The following AXDND1 variants were observed in gnomAD, a reference collection of about 807,000 sequenced individuals.
AXDND1 encodes the protein axonemal dynein light chain domain-containing protein 1.
Under a neutral mutation model 137.5 loss-of-function variants are expected in AXDND1, and 110 were observed. The ratio of observed to expected loss-of-function variants is 0.80; its 90% confidence interval spans 0.69 to 0.94. The LOEUF is 0.94. Among genes scored for constraint, AXDND1 ranks in the 40% least tolerant of loss-of-function variants. The probability of loss-of-function intolerance (pLI) is 0.00; values close to 1 mark genes in which losing one functional copy is unlikely to be tolerated. For missense variants in AXDND1, 1,191 were observed against 1,169.8 expected, an observed-to-expected ratio of 1.02 and a Z score of -0.26; for synonymous variants, 414 against 399.7, an observed-to-expected ratio of 1.04 and a Z score of -0.43.
chr1:179,455,682 C>T (rs1194995662), intron 16 of AXDND1: 1 of 152,044 alleles, frequency 6.6e-6, no homozygotes, highest in Non-Finnish European at 1.5e-5. Context: ...GATGAGATCA[C>T]CTTGGGGGGG....
At chr1:179,496,238 A>C (rs1239008020) in intron 20 of AXDND1, among the ~76,000 whole-genome samples, 3 of 151,916 alleles carry the variant, frequency 2.0e-5, no homozygotes, top group African/African-American at 7.2e-5. Flanking sequence ...ATGAGTTAAG[A>C]AGTGTTTCTT....
intron 25 of AXDND1, chr1:179,551,570 G>A (rs1673289758): frequency 5.3e-6 from 6 of 1,130,768 alleles, no homozygotes; most frequent in Non-Finnish European, 6.5e-6. Flanking sequence ...GCACGGTTAA[G>A]CATAGAACAT....
intron 16 of AXDND1, chr1:179,447,527 C>A: frequency 1.6e-6 from 1 of 628,530 alleles, no homozygotes; most frequent in Non-Finnish European, 2.6e-6. Flanking sequence ...CAGAAAATTC[C>A]AAAGGAAGCT....
intron 23 of AXDND1, among the ~76,000 whole-genome samples, chr1:179,530,324 C>T (rs7543334): frequency 0.36 from 54,037 of 151,990 alleles, 10,476 homozygotes; most frequent in Middle Eastern, 0.48. Context: ...CCACCACGCC[C>T]GGCCAAAATT....
intron 23 of AXDND1, among the ~76,000 whole-genome samples, chr1:179,530,292 GT>G (rs1428299081): frequency 6.6e-6 from 1 of 152,124 alleles, no homozygotes; most frequent in Admixed American, 6.5e-5. Flanking sequence ...GCCTCCCAAA[GT>G]GCTGGGATTA....
chr1:179,452,694 C>CAAAAAAAAAAAAA (rs56975419), intron 16 of AXDND1: 1 of 68,730 alleles, frequency 1.5e-5, no homozygotes, highest in Non-Finnish European at 2.5e-5. Flanking sequence ...GACTCCGTCT[C>CAAAAAAAAAAAAA]AAAAAAAAAA....
At chr1:179,461,189 A>G (rs934621419) in intron 16 of AXDND1, among the ~76,000 whole-genome samples, 1 of 152,158 alleles carries the variant, frequency 6.6e-6, no homozygotes, top group African/African-American at 2.4e-5. Context: ...TTTTAGGTCT[A>G]ACATTTAAGT....
chr1:179,465,038 A>AG (rs1326160832), intron 16 of AXDND1, among the ~76,000 whole-genome samples: 1 of 152,082 alleles, frequency 6.6e-6, no homozygotes, highest in Non-Finnish European at 1.5e-5. Context: ...CAAGGTTTTT[A>AG]GCTTCTTTGC....
chr1:179,441,467 C>G (rs975288644), intron 15 of AXDND1, among the ~76,000 whole-genome samples: 2 of 152,180 alleles, frequency 1.3e-5, no homozygotes, highest in African/African-American at 4.8e-5. Context: ...GAGAAAATTT[C>G]CCAAGTTTTT....
intron 4 of AXDND1, among the ~76,000 whole-genome samples, chr1:179,371,156 A>G (rs1050860408): frequency 1.3e-5 from 2 of 152,174 alleles, no homozygotes; most frequent in Non-Finnish European, 2.9e-5. Context: ...GGCCAGGTGC[A>G]GTGGCTCATT....
chr1:179,408,328 T>C (rs941148640), intron 11 of AXDND1, among the ~76,000 whole-genome samples: 1 of 152,202 alleles, frequency 6.6e-6, no homozygotes, highest in African/African-American at 2.4e-5. Context: ...TGTTCTTACT[T>C]TGCTATCTGT....
chr1:179,424,602 G>T (rs947470338), intron 12 of AXDND1, among the ~76,000 whole-genome samples: 2 of 151,532 alleles, frequency 1.3e-5, no homozygotes, highest in Admixed American at 6.6e-5. Context: ...TAATTTTTTT[G>T]TATTTTTAGT....
chr1:179,476,250 A>G (rs1189999054), intron 17 of AXDND1, among the ~76,000 whole-genome samples: 1 of 152,200 alleles, frequency 6.6e-6, no homozygotes. Context: ...CATCATTTCT[A>G]TCACCCATTA....
chr1:179,435,710 T>C (rs1038551084), intron 15 of AXDND1, among the ~76,000 whole-genome samples: 1 of 152,160 alleles, frequency 6.6e-6, no homozygotes, highest in Non-Finnish European at 1.5e-5. Context: ...GATTAAAGAC[T>C]TTAAAATCCC....
rs146755662 is a variant in AXDND1, at chr1:179,421,124, T to A, written c.1231-8394T>A. On this transcript the variant is annotated intron_variant, in intron 12 of 25. Coordinates refer to ENST00000367618, the MANE Select transcript of AXDND1 (RefSeq NM_144696.6). The stretch of plus-strand genomic sequence containing the variant: ...TCCTTCTTTGTCAAAGATGGTTGGC[T>A]ATATATGCATGAATTTATATCCAGG... 1.3e-3 allele frequency among the ~76,000 whole-genome samples: 201 copies of A among 150,728 alleles called. 1 individual carries two copies. Among genetic ancestry groups the A allele is most frequent in the African/African-American group, 4.8e-3 (198 of 40,956 alleles).
At chr1:179,466,807 A>G (rs933739943) in intron 16 of AXDND1, among the ~76,000 whole-genome samples, 2 of 152,178 alleles carry the variant, frequency 1.3e-5, no homozygotes, top group African/African-American at 2.4e-5. Flanking sequence ...ATGATACTAT[A>G]TTACATAAGA....
intron 21 of AXDND1, among the ~76,000 whole-genome samples, chr1:179,513,041 G>T (rs944254185): frequency 7.2e-5 from 11 of 152,018 alleles, no homozygotes; most frequent in African/African-American, 2.4e-4. Flanking sequence ...ACCAATTTGG[G>T]TGTCCTTTAT....
chr1:179,523,616 A>T (rs1210493352), intron 21 of AXDND1, among the ~76,000 whole-genome samples: 2 of 152,222 alleles, frequency 1.3e-5, no homozygotes, highest in East Asian at 3.8e-4. Flanking sequence ...CATGTCATGT[A>T]AATGGAATTA....
At chr1:179,367,290 G>T (rs1667524623) in intron 2 of AXDND1, among the ~76,000 whole-genome samples, 1 of 152,100 alleles carries the variant, frequency 6.6e-6, no homozygotes. Flanking sequence ...GGCTGAGGCT[G>T]GCGGATCACG....
Sources: allele counts gnomAD v4.1 joint callset (sites outside exome capture counted in the v4.1 genomes callset), GRCh38; gene constraint gnomAD v4.1.1; transcripts MANE v1.5; gene names NCBI Gene and HGNC (gene_info 2026-07-23, HGNC 2026-07-21).